Variants in GRIK2 observed in about 807,000 individuals in gnomAD.
The protein encoded by GRIK2 is glutamate receptor ionotropic, kainate 2.
A neutral mutation model predicts 100.3 loss-of-function variants in GRIK2; 32 were observed. The ratio of observed to expected loss-of-function variants is 0.32; its 90% CI spans 0.24 to 0.43. The LOEUF (loss-of-function observed/expected upper bound fraction) is 0.43. GRIK2 is among the 20% of genes least tolerant of loss of function. GRIK2 has a pLI of 1.00. For synonymous variants in GRIK2, 417 were observed against 389.4 expected (o/e 1.07, Z -0.83); for missense variants, 843 against 1,114.9 (o/e 0.76, Z 3.47).
intron 2 of GRIK2, among the ~76,000 whole-genome samples, chr6:101,470,824 T>G (rs920026747): frequency 6.6e-6 from 1 of 152,152 alleles, no homozygotes; most frequent in Admixed American, 6.6e-5. Flanking sequence ...AAACAATCCA[T>G]CAAATTTTTA....
At chr6:101,836,621 A>G (rs62419285) in intron 10 of GRIK2, among the ~76,000 whole-genome samples, 96,139 of 133,700 alleles carry the variant, frequency 0.72, 37,302 homozygotes, top group Middle Eastern at 0.88. Context: ...ATATATAGTT[A>G]TATATATATA....
At chr6:102,051,081 A>C (rs1386656175) in intron 15 of GRIK2, among the ~76,000 whole-genome samples, 1 of 152,166 alleles carries the variant, frequency 6.6e-6, no homozygotes, top group Non-Finnish European at 1.5e-5. Flanking sequence ...GGATAGATAC[A>C]TTTGTAGTTT....
At chr6:101,436,499 G>A (rs1302312574) in intron 2 of GRIK2, among the ~76,000 whole-genome samples, 2 of 151,998 alleles carry the variant, frequency 1.3e-5, no homozygotes, top group African/African-American at 4.8e-5. Context: ...TAGAGTGGGG[G>A]TGTGGTAGAT....
chr6:101,726,404 A>T (rs940124242), intron 7 of GRIK2, among the ~76,000 whole-genome samples: 3 of 152,034 alleles, frequency 2.0e-5, no homozygotes, highest in African/African-American at 7.2e-5. Context: ...AAGAGAACTT[A>T]ATATATAATG....
intron 2 of GRIK2, among the ~76,000 whole-genome samples, chr6:101,500,089 G>T: frequency 6.6e-6 from 1 of 152,102 alleles, no homozygotes; most frequent in Admixed American, 6.6e-5. Flanking sequence ...ACACTGTAAA[G>T]TGAAATGCTT....
At chr6:101,465,517 G>T (rs746704576) in intron 2 of GRIK2, among the ~76,000 whole-genome samples, 2 of 152,118 alleles carry the variant, frequency 1.3e-5, no homozygotes, top group Admixed American at 6.5e-5. Context: ...AATCACCCAT[G>T]ATAGACATTT....
intron 2 of GRIK2, among the ~76,000 whole-genome samples, chr6:101,527,127 C>G (rs1775195270): frequency 1.3e-5 from 2 of 152,192 alleles, no homozygotes; most frequent in East Asian, 3.8e-4. Context: ...GCAGGGAGAT[C>G]TGAGTCTCAA....
rs373584440 is a variant in GRIK2 at position 101,945,496 on chromosome 6, T to C, written c.2085+16864T>C. Among the ~76,000 whole-genome samples, 88 of 152,270 alleles carry C rather than the reference T, an allele frequency of 5.8e-4. 1 individual carries two copies. In the South Asian group the frequency reaches 0.016, roughly 27 times the overall value. On this transcript the variant is annotated intron_variant, in intron 14 of 16. Coordinates refer to ENST00000369134, the MANE Select transcript of GRIK2 (RefSeq NM_021956.5). ...TGAGCATGTACTTTTGGTTGTACCT[T>C]CAAAATACATTGCATCTAAAAGCTA...
chr6:101,449,281 A>G (rs769860870), intron 2 of GRIK2, among the ~76,000 whole-genome samples: 13 of 151,832 alleles, frequency 8.6e-5, no homozygotes, highest in East Asian at 5.8e-4. Context: ...AGTGATTTTT[A>G]TCTCTTATTT....
chr6:101,785,064 T>C (rs1234837576), intron 7 of GRIK2, among the ~76,000 whole-genome samples: 1 of 152,200 alleles, frequency 6.6e-6, no homozygotes, highest in Non-Finnish European at 1.5e-5. Flanking sequence ...ATAATGAGTG[T>C]TTTTTATATA....
At chr6:101,464,771 C>T (rs908178426) in intron 2 of GRIK2, among the ~76,000 whole-genome samples, 3 of 152,036 alleles carry the variant, frequency 2.0e-5, no homozygotes, top group Non-Finnish European at 2.9e-5. Flanking sequence ...CTGCCCGCCT[C>T]AGCCTCCCAA....
At chr6:101,678,573 C>T (rs1771008972) in intron 5 of GRIK2, among the ~76,000 whole-genome samples, 1 of 152,010 alleles carries the variant, frequency 6.6e-6, no homozygotes, top group Non-Finnish European at 1.5e-5. Context: ...TTGAATTTTC[C>T]AGTTATTCTA....
At chr6:101,875,641 T>G (rs367735352) in intron 11 of GRIK2, among the ~76,000 whole-genome samples, 3 of 151,912 alleles carry the variant, frequency 2.0e-5, no homozygotes, top group African/African-American at 7.2e-5. Context: ...TCTTTTACAT[T>G]GAATGAGTTT....
At chr6:101,502,236 C>T (rs918164297) in intron 2 of GRIK2, among the ~76,000 whole-genome samples, 4 of 152,036 alleles carry the variant, frequency 2.6e-5, no homozygotes, top group African/African-American at 9.7e-5. Context: ...CCACCTAATA[C>T]ATATTGAAAG....
At chr6:101,572,434 A>G (rs1032140640) in intron 2 of GRIK2, among the ~76,000 whole-genome samples, 1 of 152,168 alleles carries the variant, frequency 6.6e-6, no homozygotes, top group African/African-American at 2.4e-5. Flanking sequence ...AGTGTGCGTA[A>G]TACAATATGC....
At chr6:101,725,824 A>G (rs574320213) in intron 7 of GRIK2, among the ~76,000 whole-genome samples, 1 of 152,108 alleles carries the variant, frequency 6.6e-6, no homozygotes, top group South Asian at 2.1e-4. Context: ...TTTTCAAATG[A>G]CATATTGTGT....
chr6:101,515,172 C>T (rs1326237301), intron 2 of GRIK2, among the ~76,000 whole-genome samples: 1 of 152,128 alleles, frequency 6.6e-6, no homozygotes, highest in East Asian at 1.9e-4. Context: ...TCCTGACTTA[C>T]ATCACTTAGA....
At chr6:101,741,714 A>G (rs1353017635) in intron 7 of GRIK2, among the ~76,000 whole-genome samples, 2 of 152,182 alleles carry the variant, frequency 1.3e-5, no homozygotes, top group Non-Finnish European at 2.9e-5. Context: ...TGCTTTAATC[A>G]GATAAGGGAT....
chr6:101,754,129 G>A (rs1365944612), intron 7 of GRIK2, among the ~76,000 whole-genome samples: 1 of 151,834 alleles, frequency 6.6e-6, no homozygotes, highest in Non-Finnish European at 1.5e-5. Context: ...ATATAGTATT[G>A]ATTACATAAA....
Sources: gnomAD v4.1 joint callset for allele counts (sites outside exome capture counted in the v4.1 genomes callset) on GRCh38, gnomAD v4.1.1 for gene constraint, MANE v1.5 for transcripts, NCBI Gene and HGNC (gene_info 2026-07-23, HGNC 2026-07-21) for gene names.